CHST8: variants seen among roughly 807,000 people sequenced by gnomAD.
CHST8 encodes the protein carbohydrate sulfotransferase 8, also known as GALNAC-4-ST1.
In CHST8, 10 loss-of-function variants were observed where a neutral mutation model predicts 15.0. That is an observed-to-expected ratio of 0.67 (90% CI 0.41 to 1.13). The LOEUF is 1.13. CHST8 is among the 50% of genes most tolerant of loss of function. The pLI is 0.00. For missense variants in CHST8, 634 were observed against 608.2 expected, an observed-to-expected ratio of 1.04 and a Z score of -0.45; for synonymous variants, 259 against 256.6, an observed-to-expected ratio of 1.01 and a Z score of -0.09.
At chr19:33,643,330 A>G (rs1193675998) in intron 1 of CHST8, among the ~76,000 whole-genome samples, 1 of 152,190 alleles carries the variant, frequency 6.6e-6, no homozygotes, top group Non-Finnish European at 1.5e-5. Flanking sequence ...TTTTTACCAA[A>G]GTCATGCATG....
rs1259890644 is a variant in CHST8, at chr19:33,650,936, G to A, written c.-163-16831G>A. 2.6e-5 allele frequency among the ~76,000 whole-genome samples: 4 copies of A among 152,014 alleles called. No homozygotes were observed. In the East Asian group the frequency reaches 7.7e-4, roughly 29 times the overall value. On this transcript the variant is annotated intron_variant, in intron 1 of 4. Coordinates refer to ENST00000650847, the MANE Select transcript of CHST8 (RefSeq NM_001127895.2). ...GGCTGGTCTTGAACTCCTGACCTGA[G>A]GTAATCTGCCCACCTCAACCTCCCA... is the stretch of plus-strand genomic sequence containing the variant.
intron 1 of CHST8, among the ~76,000 whole-genome samples, chr19:33,651,082 A>T (rs1371494492): frequency 2.0e-5 from 3 of 152,184 alleles, no homozygotes; most frequent in Non-Finnish European, 4.4e-5. Context: ...TATCATTTGC[A>T]GTACAAAAGT....
intron 1 of CHST8, among the ~76,000 whole-genome samples, chr19:33,630,681 T>C (rs940228293): frequency 1.3e-5 from 2 of 151,950 alleles, no homozygotes; most frequent in African/African-American, 2.4e-5. Flanking sequence ...TCAGGCAGTC[T>C]GTCTACACTG....
In CHST8 at chr19:33,742,241, C is replaced by A. The variant is rs1052801807; in HGVS notation, c.131-29172C>A. ...CTCCTTTGGTCACTGAGTTCTGGAT[C>A]TGAAAACTGGGTGTATTAGTTTGCA... On this transcript the variant is annotated intron_variant, in intron 3 of 4. Coordinates refer to ENST00000650847, the MANE Select transcript of CHST8 (RefSeq NM_001127895.2). Among the ~76,000 whole-genome samples the A allele has an allele frequency of 2.6e-5, 4 of 152,160 alleles. No individual in the cohort carries two copies. In the East Asian group the frequency reaches 7.7e-4, roughly 29 times the overall value.
chr19:33,687,179 C>T (rs553626538), intron 2 of CHST8, among the ~76,000 whole-genome samples: 6 of 152,372 alleles, frequency 3.9e-5, no homozygotes, highest in Admixed American at 3.3e-4. Context: ...GTGCTGTCCT[C>T]ACAGAGGGAA....
At chr19:33,649,394 G>A (rs1375763606) in intron 1 of CHST8, among the ~76,000 whole-genome samples, 2 of 152,124 alleles carry the variant, frequency 1.3e-5, no homozygotes, top group African/African-American at 4.8e-5. Flanking sequence ...TTAGAAAGGA[G>A]AACTTTATTT....
At chr19:33,709,449 CA>C (rs1973507875) in intron 3 of CHST8, among the ~76,000 whole-genome samples, 2 of 152,132 alleles carry the variant, frequency 1.3e-5, no homozygotes, top group Non-Finnish European at 1.5e-5. Context: ...TGGATTTTGT[CA>C]AATACTTGTT....
intron 1 of CHST8, among the ~76,000 whole-genome samples, chr19:33,657,295 CTCTTGCT>C (rs1972523065): frequency 1.4e-5 from 2 of 145,024 alleles, no homozygotes; most frequent in Non-Finnish European, 3.0e-5. Flanking sequence ...TTGAGATGGA[CTCTTGCT>C]CTGTTGCCCA....
chr19:33,740,782 A>T (rs1002697876), intron 3 of CHST8, among the ~76,000 whole-genome samples: 1 of 152,128 alleles, frequency 6.6e-6, no homozygotes. Flanking sequence ...GTGCACACAC[A>T]AGTCTTGGTT....
intron 1 of CHST8, among the ~76,000 whole-genome samples, chr19:33,629,495 A>T (rs1972096565): frequency 6.6e-6 from 1 of 152,182 alleles, no homozygotes; most frequent in South Asian, 2.1e-4. Context: ...ATGTTGGTGA[A>T]TTTCCTGTGG....
In CHST8 at chr19:33,650,513, C is replaced by CT. The variant is rs1356639318; in HGVS notation, c.-163-17250dup. On this transcript the variant is annotated intron_variant, in intron 1 of 4. Transcript: ENST00000650847. ...TTCTTTTCTTTTTCTTTTTCTTTTT[C>CT]TTTTCTTTTTTTTTTTTTTTTTTTT... Among the ~76,000 whole-genome samples the CT allele has an allele frequency of 1.4e-4, 5 of 36,852 alleles. 1 individual carries two copies. The highest frequency in any genetic ancestry group is 4.0e-4 in the African/African-American group (3 of 7,520). 24.2% of individuals were successfully genotyped at this position (36,852 alleles called of 152,430 possible).
In CHST8 at chr19:33,728,107, T is replaced by G. The variant is rs550672090; in HGVS notation, c.130+38716T>G. ...CACATGCCATCAGAGCAGACAGAACTGTATTTCCAGAGCACATGTTAGTTT... is the reference window on the plus strand; with the variant it reads ...CACATGCCATCAGAGCAGACAGAACGGTATTTCCAGAGCACATGTTAGTTT... On this transcript the variant is annotated intron_variant, in intron 3 of 4. Coordinates refer to ENST00000650847, the MANE Select transcript of CHST8 (RefSeq NM_001127895.2). Among the ~76,000 whole-genome samples the G allele has an allele frequency of 2.4e-4, 36 of 152,394 alleles. No homozygotes were observed. The East Asian group carries it at 4.4e-3, about 19-fold the overall frequency.
intron 2 of CHST8, among the ~76,000 whole-genome samples, chr19:33,686,430 G>A (rs984803469): frequency 2.6e-5 from 4 of 152,144 alleles, no homozygotes; most frequent in Non-Finnish European, 4.4e-5. Flanking sequence ...AGTGGATGTC[G>A]GTACTGGCTC....
chr19:33,643,061 T>C (rs1270652423), intron 1 of CHST8, among the ~76,000 whole-genome samples: 1 of 152,224 alleles, frequency 6.6e-6, no homozygotes, highest in East Asian at 1.9e-4. Flanking sequence ...GACATGAACC[T>C]TCTTGCAGTA....
At position 33,741,024 on chromosome 19, in the gene CHST8, T is replaced by C. The variant is rs544211112; in HGVS notation, c.131-30389T>C. On this transcript the variant is annotated intron_variant, in intron 3 of 4. Coordinates refer to ENST00000650847, the MANE Select transcript of CHST8 (RefSeq NM_001127895.2). ...GTGGTTCTGAAAACAGCACTCCCTC[T>C]CCTTCCAGTTGCCTGAGCTGCTGCG... is the stretch of plus-strand genomic sequence containing the variant. 2.6e-5 allele frequency among the ~76,000 whole-genome samples: 4 copies of C among 152,338 alleles called. No individual in the cohort carries two copies. The East Asian group carries it at 7.7e-4, about 29-fold the overall frequency.
intron 3 of CHST8, among the ~76,000 whole-genome samples, chr19:33,765,993 T>G (rs1974833351): frequency 6.6e-6 from 1 of 152,080 alleles, no homozygotes; most frequent in Admixed American, 6.5e-5. Flanking sequence ...GTTCCCCAAG[T>G]AGGAGGGAGT....
intron 3 of CHST8, among the ~76,000 whole-genome samples, chr19:33,752,980 A>T (rs1026696345): frequency 6.6e-6 from 1 of 152,168 alleles, no homozygotes; most frequent in Admixed American, 6.5e-5. Flanking sequence ...GTCTTCTGAC[A>T]TTGGAGATTG....
intron 1 of CHST8, among the ~76,000 whole-genome samples, chr19:33,659,059 CTTTTTTTTTT>C (rs71181374): frequency 1.3e-5 from 1 of 78,842 alleles, no homozygotes; most frequent in Non-Finnish European, 2.2e-5. Context: ...TAGGTAATGA[CTTTTTTTTTT>C]TTTTTTTTTT....
intron 3 of CHST8, among the ~76,000 whole-genome samples, chr19:33,764,316 C>A (rs1303312103): frequency 1.3e-5 from 2 of 152,098 alleles, no homozygotes; most frequent in Non-Finnish European, 2.9e-5. Flanking sequence ...GTTTCTTCAC[C>A]TCCTTCAGGC....
Sources: gnomAD v4.1 joint callset for allele counts (sites outside exome capture counted in the v4.1 genomes callset) on GRCh38, gnomAD v4.1.1 for gene constraint, MANE v1.5 for transcripts, NCBI Gene and HGNC (gene_info 2026-07-23, HGNC 2026-07-21) for gene names.